Variants in KIF21A observed in about 807,000 individuals in gnomAD.
The protein encoded by KIF21A is kinesin family member 21A, also known as kinesin-like protein KIF21A.
Under a neutral mutation model 202.9 loss-of-function variants are expected in KIF21A, and 114 were observed. That is an observed-to-expected ratio of 0.56 (90% confidence interval 0.48 to 0.66). KIF21A has a LOEUF of 0.66. KIF21A is among the 30% of genes least tolerant of loss of function. The pLI, the probability that KIF21A is intolerant of heterozygous loss-of-function variation, is 0.00. For missense variants in KIF21A, 1,677 were observed against 1,994.9 expected, an observed-to-expected ratio of 0.84 and a Z score of 3.04; for synonymous variants, 667 against 670.8, an observed-to-expected ratio of 0.99 and a Z score of 0.09.
chr12:39,409,309 C>T (rs1295778691), intron 1 of KIF21A, among the ~76,000 whole-genome samples: 3 of 150,522 alleles, frequency 2.0e-5, no homozygotes, highest in African/African-American at 7.3e-5. Context: ...TGCTTGAGCC[C>T]AGGAGTTCAA....
intron 1 of KIF21A, among the ~76,000 whole-genome samples, chr12:39,414,715 G>T: frequency 6.6e-6 from 1 of 152,126 alleles, no homozygotes; most frequent in Admixed American, 6.5e-5. Context: ...GGAAAATAAT[G>T]TCAGCAGGTA....
chr12:39,335,306 G>A (rs559557386), intron 17 of KIF21A, among the ~76,000 whole-genome samples: 98 of 151,852 alleles, frequency 6.5e-4, no homozygotes, highest in African/African-American at 2.2e-3. Context: ...CAGCTGCTCA[G>A]GAGGCTGAGG....
At chr12:39,436,948 G>C (rs1359103889) in intron 1 of KIF21A, among the ~76,000 whole-genome samples, 1 of 152,100 alleles carries the variant, frequency 6.6e-6, no homozygotes, top group Non-Finnish European at 1.5e-5. Flanking sequence ...CATCTGCCAT[G>C]CATTTTTATT....
chr12:39,367,219 C>T, intron 4 of KIF21A, 55 bp from the exon 5 acceptor site: 1 of 1,591,116 alleles, frequency 6.3e-7, no homozygotes, highest in Non-Finnish European at 8.6e-7. Context: ...AGATACTATA[C>T]AATCCAAAGT....
At chr12:39,435,812 A>G (rs572488980) in intron 1 of KIF21A, among the ~76,000 whole-genome samples, 214 of 152,300 alleles carry the variant, frequency 1.4e-3, no homozygotes, top group African/African-American at 4.5e-3. Context: ...GGAATTCACT[A>G]AAGAATTTCT....
At chr12:39,390,106 C>T (rs375988976) in intron 1 of KIF21A, among the ~76,000 whole-genome samples, 1 of 152,134 alleles carries the variant, frequency 6.6e-6, no homozygotes, top group Non-Finnish European at 1.5e-5. Context: ...TACACCTAAC[C>T]TCCTATATAT....
At chr12:39,386,414 T>G (rs926611598) in intron 1 of KIF21A, among the ~76,000 whole-genome samples, 1 of 152,176 alleles carries the variant, frequency 6.6e-6, no homozygotes, top group African/African-American at 2.4e-5. Context: ...CTGGTTGTAA[T>G]GTGGAAGAAA....
At chr12:39,373,372 T>C (rs1950081363) in intron 1 of KIF21A, among the ~76,000 whole-genome samples, 1 of 152,162 alleles carries the variant, frequency 6.6e-6, no homozygotes, top group African/African-American at 2.4e-5. Context: ...CTGAATATTT[T>C]TCTTTCAATA....
intron 17 of KIF21A, among the ~76,000 whole-genome samples, chr12:39,334,204 A>T (rs1417149638): frequency 6.9e-6 from 1 of 144,898 alleles, no homozygotes; most frequent in Non-Finnish European, 1.5e-5. Flanking sequence ...CCATCTCAAA[A>T]AAAAAAAAAA....
intron 1 of KIF21A, among the ~76,000 whole-genome samples, chr12:39,387,161 T>TACACACACACACACACAC (rs3036323): frequency 1.7e-4 from 23 of 138,160 alleles, no homozygotes; most frequent in African/African-American, 6.0e-4. Flanking sequence ...ATGCAGTAGT[T>TACACACACACACACACAC]ACACACACAC....
At position 39,407,145 on chromosome 12, in the gene KIF21A, C is replaced by G. The variant is rs138198471; in HGVS notation, c.44+35782G>C. Among the ~76,000 whole-genome samples the G allele has an allele frequency of 1.9e-3, 283 of 152,316 alleles. 4 individuals carry two copies. Among genetic ancestry groups the G allele is most frequent in the African/African-American group, 6.5e-3 (272 of 41,564 alleles). On this transcript the variant is annotated intron_variant, in intron 1 of 37. Transcript: ENST00000361418. ...TCCTGCATTGTCGATTCTTCCCTTC[C>G]CAGTAGATCATTCTCAGCACACAAA...
chr12:39,336,801 G>T (rs1280168644), intron 17 of KIF21A, among the ~76,000 whole-genome samples: 1 of 152,086 alleles, frequency 6.6e-6, no homozygotes, highest in African/African-American at 2.4e-5. Context: ...ACTGCAACTA[G>T]TTCCTTGGTC....
chr12:39,352,076 C>G lies in KIF21A; in HGVS notation c.1470-96G>C. 17 of 911,624 alleles carry G rather than the reference C, an allele frequency of 1.9e-5. No individual in the cohort carries two copies. The South Asian group carries it at 2.0e-4, about 11-fold the overall frequency. 56.5% of individuals were successfully genotyped at this position (911,624 alleles called of 1,614,324 possible). A position where few individuals can be genotyped will look rare whatever the true frequency, so the allele number is the denominator to read the frequency against. ...ACCACACTACCATTTCTTAAGTGTACAGCTCTGTAGCACTAAGCAAATCTA... is the reference window on the plus strand; with the variant it reads ...ACCACACTACCATTTCTTAAGTGTAGAGCTCTGTAGCACTAAGCAAATCTA... On this transcript the variant is annotated intron_variant, in intron 10 of 37. Transcript: ENST00000361418.
chr12:39,314,470 T>C (rs1944321714), intron 31 of KIF21A, among the ~76,000 whole-genome samples: 2 of 151,916 alleles, frequency 1.3e-5, no homozygotes, highest in Non-Finnish European at 3.0e-5. Flanking sequence ...GGTATGATTC[T>C]ACAGAATAGT....
intron 1 of KIF21A, among the ~76,000 whole-genome samples, chr12:39,411,740 T>C (rs1953099871): frequency 6.6e-6 from 1 of 152,166 alleles, no homozygotes; most frequent in Non-Finnish European, 1.5e-5. Flanking sequence ...TTTTGCTATG[T>C]TGCTCAGGCT....
chr12:39,443,035 C>A lies in KIF21A; in HGVS notation c.-65G>T. ...CCGCAGAGCTGAGGCGCCACTGGGG[C>A]CGCGGGACTCGGGCGCAGTAGGCTG... is the stretch of plus-strand genomic sequence containing the variant. On this transcript the variant is annotated 5_prime_UTR_variant, in exon 1 of 38. Coordinates refer to ENST00000361418, the MANE Select transcript of KIF21A (RefSeq NM_001173464.2). 1.4e-6 allele frequency: 2 copies of A among 1,478,388 alleles called. No homozygotes were observed. Among genetic ancestry groups the A allele is most frequent in the South Asian group, 1.3e-5 (1 of 78,422 alleles). The allele number at this position is 1,478,388 out of a possible 1,614,324, so 91.6% of individuals were successfully genotyped here.
chr12:39,332,115 T>C, intron 21 of KIF21A, 99 bp downstream of exon 21: 1 of 1,141,390 alleles, frequency 8.8e-7, no homozygotes, highest in East Asian at 2.4e-5. Context: ...GACCAGGAAA[T>C]AGAAAATACC....
chr12:39,351,171 A>G (rs1184666009), intron 11 of KIF21A, among the ~76,000 whole-genome samples: 1 of 152,106 alleles, frequency 6.6e-6, no homozygotes, highest in African/African-American at 2.4e-5. Flanking sequence ...TCAGAGGGAC[A>G]TAGTATCAGG....
At chr12:39,384,090 G>A (rs1031729715) in intron 1 of KIF21A, among the ~76,000 whole-genome samples, 1 of 152,096 alleles carries the variant, frequency 6.6e-6, no homozygotes, top group Non-Finnish European at 1.5e-5. Flanking sequence ...GTATGGTCAT[G>A]ACAAGAAGAG....
Sources: allele counts gnomAD v4.1 joint callset (sites outside exome capture counted in the v4.1 genomes callset), GRCh38; gene constraint gnomAD v4.1.1; transcripts MANE v1.5; gene names NCBI Gene and HGNC (gene_info 2026-07-23, HGNC 2026-07-21).